NRXN3: variants seen among roughly 807,000 people sequenced by gnomAD.
The protein encoded by NRXN3 is neurexin III.
In NRXN3, 32 loss-of-function variants were observed where a neutral mutation model predicts 137.6. The ratio of observed to expected loss-of-function variants is 0.23; its 90% CI spans 0.18 to 0.31. NRXN3 has a LOEUF of 0.31. Among genes scored for constraint, NRXN3 ranks in the 10% least tolerant of loss-of-function variants. NRXN3 has a pLI of 1.00. For missense variants in NRXN3, 1,574 were observed against 2,062.5 expected, an observed-to-expected ratio of 0.76 and a Z score of 4.59; for synonymous variants, 798 against 784.5, an observed-to-expected ratio of 1.02 and a Z score of -0.29.
At chr14:79,482,883 C>T (rs1457410450) in intron 16 of NRXN3, among the ~76,000 whole-genome samples, 1 of 152,294 alleles carries the variant, frequency 6.6e-6, no homozygotes, top group East Asian at 1.9e-4. Context: ...CTTATGGTAA[C>T]AGTATTAGTA....
intron 16 of NRXN3, among the ~76,000 whole-genome samples, chr14:79,642,364 G>A (rs192974588): frequency 1.5e-5 from 2 of 135,588 alleles, no homozygotes; most frequent in East Asian, 3.9e-4. Context: ...CACTTAGACT[G>A]TAATTGTTTC....
At chr14:79,304,573 A>G (rs1416646243) in intron 15 of NRXN3, among the ~76,000 whole-genome samples, 1 of 152,100 alleles carries the variant, frequency 6.6e-6, no homozygotes, top group Non-Finnish European at 1.5e-5. Context: ...CCTAATACAA[A>G]TAAAATATTT....
intron 10 of NRXN3, among the ~76,000 whole-genome samples, chr14:78,918,833 A>G (rs1188594915): frequency 6.6e-6 from 1 of 152,190 alleles, no homozygotes; most frequent in Non-Finnish European, 1.5e-5. Context: ...CTAGGAGCAT[A>G]CCATATAGTT....
At chr14:79,627,052 A>G (rs928936150) in intron 16 of NRXN3, among the ~76,000 whole-genome samples, 1 of 152,234 alleles carries the variant, frequency 6.6e-6, no homozygotes, top group Admixed American at 6.5e-5. Flanking sequence ...AAAAAAAGAC[A>G]TATGAGTTAG....
chr14:78,681,960 C>T (rs537005936), intron 6 of NRXN3, among the ~76,000 whole-genome samples: 12 of 152,138 alleles, frequency 7.9e-5, no homozygotes, highest in South Asian at 2.1e-4. Flanking sequence ...CTCTGCCTCC[C>T]GGGTTCAAGC....
At chr14:78,519,094 T>C (rs2096251701) in intron 4 of NRXN3, among the ~76,000 whole-genome samples, 1 of 152,196 alleles carries the variant, frequency 6.6e-6, no homozygotes, top group Non-Finnish European at 1.5e-5. Flanking sequence ...TAATTTATTA[T>C]ACAACTTGTC....
At chr14:78,315,662 G>C (rs957088286) in intron 4 of NRXN3, among the ~76,000 whole-genome samples, 2 of 152,208 alleles carry the variant, frequency 1.3e-5, no homozygotes, top group Non-Finnish European at 2.9e-5. Flanking sequence ...TAACCCAAAA[G>C]TGATTGGGAT....
At chr14:79,766,968 A>G (rs1032752323) in intron 19 of NRXN3, among the ~76,000 whole-genome samples, 2 of 152,208 alleles carry the variant, frequency 1.3e-5, no homozygotes, top group African/African-American at 4.8e-5. Flanking sequence ...GAAGTGGTAG[A>G]TGGCAGAGAC....
At chr14:78,378,666 A>G (rs369944440) in intron 4 of NRXN3, among the ~76,000 whole-genome samples, 28 of 152,268 alleles carry the variant, frequency 1.8e-4, no homozygotes, top group South Asian at 8.3e-4. Context: ...AAATACATAC[A>G]TTAGAAAAGA....
At chr14:79,057,014 T>G (rs1481875611) in intron 15 of NRXN3, among the ~76,000 whole-genome samples, 2 of 152,024 alleles carry the variant, frequency 1.3e-5, no homozygotes, top group Non-Finnish European at 2.9e-5. Context: ...CAGATTGCCT[T>G]GTATGTTATA....
chr14:78,797,315 T>TA (rs2098825004), intron 8 of NRXN3, among the ~76,000 whole-genome samples: 1 of 152,102 alleles, frequency 6.6e-6, no homozygotes, highest in Non-Finnish European at 1.5e-5. Flanking sequence ...CAGCTTTCAA[T>TA]AAAAAATTAG....
At chr14:79,683,240 C>T (rs914930577) in intron 17 of NRXN3, among the ~76,000 whole-genome samples, 1 of 152,120 alleles carries the variant, frequency 6.6e-6, no homozygotes, top group Non-Finnish European at 1.5e-5. Flanking sequence ...ATATATAAAA[C>T]TTCTCCAGTG....
At chr14:79,532,071 C>A (rs1335040331) in intron 16 of NRXN3, among the ~76,000 whole-genome samples, 1 of 152,076 alleles carries the variant, frequency 6.6e-6, no homozygotes, top group Non-Finnish European at 1.5e-5. Flanking sequence ...TAGTCATTTG[C>A]ACCTTTTCTA....
At chr14:79,489,871 C>G (rs2096696747) in intron 16 of NRXN3, among the ~76,000 whole-genome samples, 1 of 151,768 alleles carries the variant, frequency 6.6e-6, no homozygotes, top group Non-Finnish European at 1.5e-5. Context: ...AACTCCACCT[C>G]TACTAAAAAT....
At chr14:78,746,596 A>G (rs2098608577) in intron 8 of NRXN3, among the ~76,000 whole-genome samples, 1 of 152,202 alleles carries the variant, frequency 6.6e-6, no homozygotes, top group South Asian at 2.1e-4. Flanking sequence ...AGCAATTGTA[A>G]CAGATGACCT....
chr14:78,417,618 A>G (rs2093213989), intron 4 of NRXN3, among the ~76,000 whole-genome samples: 1 of 152,210 alleles, frequency 6.6e-6, no homozygotes, highest in Non-Finnish European at 1.5e-5. Context: ...CCCAGAGGAG[A>G]TGCTCAATAA....
At chr14:79,142,846 C>T (rs534929429) in intron 15 of NRXN3, among the ~76,000 whole-genome samples, 1 of 152,166 alleles carries the variant, frequency 6.6e-6, no homozygotes, top group African/African-American at 2.4e-5. Context: ...TGGATTTGCT[C>T]AGTGGAACTT....
chr14:78,812,689 G>A (rs1025927968), intron 10 of NRXN3, among the ~76,000 whole-genome samples: 13 of 152,138 alleles, frequency 8.5e-5, no homozygotes, highest in Non-Finnish European at 1.6e-4. Flanking sequence ...ACCAAAAACA[G>A]CATTGAGAGG....
intron 15 of NRXN3, among the ~76,000 whole-genome samples, chr14:79,052,787 C>G (rs1402913107): frequency 6.6e-6 from 1 of 152,202 alleles, no homozygotes; most frequent in Non-Finnish European, 1.5e-5. Context: ...CATTAGGGAT[C>G]AGAGGCTGCC....
Sources: allele counts gnomAD v4.1 joint callset (sites outside exome capture counted in the v4.1 genomes callset), GRCh38; gene constraint gnomAD v4.1.1; transcripts MANE v1.5; gene names NCBI Gene and HGNC (gene_info 2026-07-23, HGNC 2026-07-21).